SLC24A5: variants seen among roughly 807,000 people sequenced by gnomAD.
The protein encoded by SLC24A5 is sodium/potassium/calcium exchanger 5.
A neutral mutation model predicts 51.6 loss-of-function variants in SLC24A5; 46 were observed. The observed-to-expected ratio is 0.89, with a 90% CI of 0.70 to 1.14. The LOEUF is 1.14. Ranked by LOEUF, SLC24A5 falls within the 50% of genes most tolerant of loss-of-function variation. The pLI is 0.00. For missense variants in SLC24A5, 581 were observed against 604.1 expected (o/e 0.96, Z 0.40); for synonymous variants, 230 against 214.9 (o/e 1.07, Z -0.62).
chr15:48,136,017 G>A (rs1362056093), intron 5 of SLC24A5: 1 of 152,144 alleles, frequency 6.6e-6, no homozygotes, highest in Non-Finnish European at 1.5e-5. Context: ...GTAAATGCAA[G>A]GTTCAAATGT....
Position 48,142,286 on chromosome 15 carries a change from A to C in SLC24A5, c.1438A>C (p.Thr480Pro). The change falls in exon 9 of 9, where the codon ACA becomes CCA. Residue 480 changes from threonine (T) to proline (P), a missense_variant. Thr to Pro is a conservative substitution (Grantham distance 38). Coordinates refer to ENST00000341459, the MANE Select transcript of SLC24A5 (RefSeq NM_205850.3). ...VCLLSYLGLA[T>P]LSVLYELGII... The stretch of plus-strand genomic sequence containing the variant: ...CCTATTATCATACTTGGGGCTTGCT[A>C]CATTATCAGTTCTATATGAACTTGG... 3 of 1,613,582 alleles carry C rather than the reference A, an allele frequency of 1.9e-6. No individual in the cohort carries two copies. Among genetic ancestry groups the C allele is most frequent in the Non-Finnish European group, 2.5e-6 (3 of 1,179,666 alleles).
At chr15:48,133,753 C>G (rs2038826882) in intron 2 of SLC24A5, among the ~76,000 whole-genome samples, 1 of 152,044 alleles carries the variant, frequency 6.6e-6, no homozygotes, top group Non-Finnish European at 1.5e-5. Context: ...CCAGCCAAAG[C>G]CTCCCATATT....
intron 2 of SLC24A5, among the ~76,000 whole-genome samples, chr15:48,125,162 CT>C (rs1295210966): frequency 6.6e-6 from 1 of 151,836 alleles, no homozygotes; most frequent in Admixed American, 6.6e-5. Context: ...CAACATAACC[CT>C]CAAAACAGTT....
chr15:48,136,953 G>A lies in SLC24A5; in HGVS notation c.861G>A (p.Gln287=). 1 of 1,605,006 alleles carries A rather than the reference G, an allele frequency of 6.2e-7. No homozygotes were observed. The highest frequency in any genetic ancestry group is 8.5e-7 in the Non-Finnish European group (1 of 1,173,672). ...CTATAAGTTTACATGGCCTTAGTCA[G>A]GTTTCTGAAGGTAATCACTAAATCT... The part of the protein sequence containing the change: ...QLSISLHGLS[Q]VSEDPPSVFN... Residue 287 remains glutamine (Q), a synonymous_variant, in exon 6 of 9, where the codon CAG becomes CAA. Coordinates refer to ENST00000341459, the MANE Select transcript of SLC24A5 (RefSeq NM_205850.3).
chr15:48,139,391 G>A (rs1292711107), intron 7 of SLC24A5: 1 of 406,830 alleles, frequency 2.5e-6, no homozygotes, highest in Non-Finnish European at 4.4e-6. Context: ...CTGTTATTTA[G>A]CCTGGGGTAC....
intron 2 of SLC24A5, among the ~76,000 whole-genome samples, chr15:48,129,814 T>A (rs1270398871): frequency 5.9e-5 from 9 of 151,774 alleles, no homozygotes; most frequent in African/African-American, 2.2e-4. Context: ...TGAGTAAAGA[T>A]TGAAAAAAAA....
intron 2 of SLC24A5, chr15:48,123,801 C>T (rs1177275337): frequency 1.3e-5 from 2 of 152,208 alleles, no homozygotes; most frequent in East Asian, 3.9e-4. Flanking sequence ...CTTATACCTC[C>T]TTAAGCATCC....
chr15:48,122,256 T>C (rs2038687630), intron 2 of SLC24A5: 9 of 596,208 alleles, frequency 1.5e-5, no homozygotes, highest in Non-Finnish European at 2.7e-5. Flanking sequence ...CCGGCAGTTA[T>C]TATTTTTCTG....
At chr15:48,128,702 T>C (rs2038757698) in intron 2 of SLC24A5, among the ~76,000 whole-genome samples, 1 of 152,184 alleles carries the variant, frequency 6.6e-6, no homozygotes, top group Admixed American at 6.5e-5. Flanking sequence ...ACACTCATTC[T>C]CCTAAGAGTA....
At chr15:48,130,273 A>G (rs2140718180) in intron 2 of SLC24A5, among the ~76,000 whole-genome samples, 1 of 152,296 alleles carries the variant, frequency 6.6e-6, no homozygotes, top group Non-Finnish European at 1.5e-5. Context: ...TATAGCAGAA[A>G]GAAATTTCAC....
At chr15:48,128,194 T>C (rs902518619) in intron 2 of SLC24A5, among the ~76,000 whole-genome samples, 1 of 151,970 alleles carries the variant, frequency 6.6e-6, no homozygotes, top group Non-Finnish European at 1.5e-5. Context: ...CCAAACTATA[T>C]ACATAGAAAA....
At chr15:48,121,263 GC>G in intron 1 of SLC24A5, 98 bp downstream of exon 1, 1 of 1,307,642 alleles carries the variant, frequency 7.6e-7, no homozygotes, top group African/African-American at 1.5e-5. Context: ...TTCTCAATGG[GC>G]TCACTTTTAC....
At chr15:48,121,554 G>A (rs1017522855) in intron 1 of SLC24A5, among the ~76,000 whole-genome samples, 13 of 152,174 alleles carry the variant, frequency 8.5e-5, no homozygotes, top group African/African-American at 2.4e-4. Context: ...CAGAGATACA[G>A]TTTCTACTTG....
chr15:48,134,516 C>T lies in SLC24A5; in HGVS notation c.467C>T (p.Ala156Val). The part of the protein sequence containing the change: ...AIYNLLGICA[A>V]CGLLSNTVST... ...TATAATCTCCTTGGCATCTGTGCTG[C>T]CTGTGGTTTGCTATCTAATACGGTA... Residue 156 changes from alanine (A) to valine (V), a missense_variant, in exon 4 of 9, where the codon GCC becomes GTC. By Grantham distance (64) the Ala-to-Val change is moderately conservative (BLOSUM62 0). Transcript: ENST00000341459. 6.2e-7 allele frequency: 1 copy of T among 1,613,116 alleles called. No homozygotes were observed. The highest frequency in any genetic ancestry group is 8.5e-7 in the Non-Finnish European group (1 of 1,179,274).
chr15:48,122,731 C>T (rs568908698), intron 2 of SLC24A5: 1 of 152,476 alleles, frequency 6.6e-6, no homozygotes, highest in African/African-American at 2.4e-5. Context: ...TAGACCTTCA[C>T]TGGTGCACTG....
chr15:48,142,247 T>G lies in SLC24A5; in HGVS notation c.1399T>G (p.Leu467Val), dbSNP rs774104310. The G allele has an allele frequency of 6.2e-7, 1 of 1,613,716 alleles. No individual in the cohort carries two copies. Among genetic ancestry groups the G allele is most frequent in the Non-Finnish European group, 8.5e-7 (1 of 1,179,762 alleles). The change falls in exon 9 of 9, where the codon TTG becomes GTG. Residue 467 changes from leucine to valine, a missense_variant. By Grantham distance (32) the Leu-to-Val change is conservative. Transcript: ENST00000341459. ...CAATGGCTGGAAACTAGACAGAAAGTTGGGAATAGTCTGCCTATTATCATA... is the reference window on the plus strand; with the variant it reads ...CAATGGCTGGAAACTAGACAGAAAGGTGGGAATAGTCTGCCTATTATCATA... ...HFNGWKLDRK[L>V]GIVCLLSYLG...
At chr15:48,131,104 T>C (rs934149219) in intron 2 of SLC24A5, among the ~76,000 whole-genome samples, 1 of 152,204 alleles carries the variant, frequency 6.6e-6, no homozygotes, top group East Asian at 1.9e-4. Context: ...ACCATGAATA[T>C]ATTATTTACT....
intron 2 of SLC24A5, among the ~76,000 whole-genome samples, chr15:48,125,603 AT>A (rs1444779637): frequency 6.6e-6 from 1 of 152,220 alleles, no homozygotes; most frequent in Admixed American, 6.5e-5. Context: ...TGACAAAAAA[AT>A]ATCAAATACC....
intron 2 of SLC24A5, among the ~76,000 whole-genome samples, chr15:48,131,127 T>C (rs2140719825): frequency 6.6e-6 from 1 of 152,278 alleles, no homozygotes; most frequent in Admixed American, 6.5e-5. Context: ...ATTTCTAAAA[T>C]GAAAAACAGT....
Sources: allele counts gnomAD v4.1 joint callset (sites outside exome capture counted in the v4.1 genomes callset), GRCh38; gene constraint gnomAD v4.1.1; transcripts MANE v1.5; gene names NCBI Gene and HGNC (gene_info 2026-07-23, HGNC 2026-07-21).